RNF130: variants seen among roughly 807,000 people sequenced by gnomAD.
RNF130 encodes ring finger protein 130, also known as E3 ubiquitin-protein ligase RNF130.
RNF130 carries 21 observed loss-of-function variants against 44.6 expected under a neutral mutation model. The ratio of observed to expected loss-of-function variants is 0.47; its 90% CI spans 0.33 to 0.68. The LOEUF is 0.68. Ranked by LOEUF, RNF130 falls within the 30% of genes least tolerant of loss-of-function variation. The probability of loss-of-function intolerance (pLI) is 0.02; values close to 1 mark genes in which losing one functional copy is unlikely to be tolerated. For missense variants in RNF130, 479 were observed against 560.6 expected, an observed-to-expected ratio of 0.85 and a Z score of 1.47; for synonymous variants, 214 against 210.4, an observed-to-expected ratio of 1.02 and a Z score of -0.15.
chr5:180,071,466 G>A lies in RNF130; in HGVS notation c.237C>T (p.Pro79=). ...EVRGQVLAPL[P]LHGVADHLGC... ...CGGGCCGGCACTCACCTCCGTGGAG[G>A]GGCAGCGGCGCCAGCACCTGGCCGC... Residue 79 remains proline, a synonymous_variant, in exon 1 of 9, where the codon CCC becomes CCT. Transcript: ENST00000521389. 1.6e-6 allele frequency: 2 copies of A among 1,245,348 alleles called. No individual in the cohort carries two copies. The highest frequency in any genetic ancestry group is 3.2e-5 in the East Asian group (1 of 31,634). The allele number at this position is 1,245,348 out of a possible 1,614,324, so 77.1% of individuals were successfully genotyped here. A position where few individuals can be genotyped will look rare whatever the true frequency, so the allele number is the denominator to read the frequency against.
intron 7 of RNF130, among the ~76,000 whole-genome samples, chr5:179,933,612 C>T (rs1217211006): frequency 1.3e-5 from 2 of 151,020 alleles, no homozygotes; most frequent in Admixed American, 1.3e-4. Context: ...CTCTTGACTT[C>T]CCGGGCTCAG....
At chr5:180,043,953 A>G (rs1350360570) in intron 1 of RNF130, among the ~76,000 whole-genome samples, 1 of 152,208 alleles carries the variant, frequency 6.6e-6, no homozygotes, top group African/African-American at 2.4e-5. Context: ...ACTGTAGTAT[A>G]CTCATTCTAC....
chr5:180,013,135 T>A lies in RNF130; in HGVS notation c.619A>T (p.Ile207Phe), dbSNP rs964058926. ...AATATGAGCCATGCTGAAGAAATAA[T>A]CATCAAAACAATAAAGGATATTGAC... ...FVSISFIVLM[I>F]ISSAWLIFYF... is the part of the protein sequence containing the mutation. The change falls in exon 3 of 9, where the codon ATT (isoleucine) becomes TTT (phenylalanine). Residue 207 changes from isoleucine (I) to phenylalanine (F), a missense_variant. Ile to Phe is a conservative substitution (Grantham distance 21, BLOSUM62 0). Around this residue, in one of 3 missense-constraint regions of RNF130, gnomAD observed 180 missense variants for 275.1 expected, o/e 0.65. Transcript: ENST00000521389. The A allele has an allele frequency of 9.9e-6, 16 of 1,613,908 alleles. No individual in the cohort carries two copies. Among genetic ancestry groups the A allele is most frequent in the Non-Finnish European group, 1.3e-5 (15 of 1,180,014 alleles).
chr5:179,980,150 C>T lies in RNF130; in HGVS notation c.744G>A (p.Arg248=). Residue 248 remains arginine (R), a synonymous_variant, in exon 4 of 9, where the codon AGG becomes AGA. Transcript: ENST00000521389. ...AKKAISKLTT[R]TVKKGDKETD... ...GTACCTTGTCACCCTTCTTTACTGT[C>T]CTGGTTGTCAATTTACTGATGGCTT... is the stretch of plus-strand genomic sequence containing the variant. 9.9e-6 allele frequency: 16 copies of T among 1,614,090 alleles called. No individual in the cohort carries two copies. The highest frequency in any genetic ancestry group is 1.4e-5 in the Non-Finnish European group (16 of 1,180,000).
chr5:179,948,735 T>C (rs758773317), intron 7 of RNF130, among the ~76,000 whole-genome samples: 103 of 152,090 alleles, frequency 6.8e-4, no homozygotes, highest in Non-Finnish European at 7.6e-4. Context: ...ACTAAATAAT[T>C]TGGAAGATAA....
intron 3 of RNF130, among the ~76,000 whole-genome samples, chr5:180,003,461 A>T (rs1582179591): frequency 6.6e-6 from 1 of 152,230 alleles, no homozygotes; most frequent in South Asian, 2.1e-4. Flanking sequence ...TAGCACAAGG[A>T]CAAAATATCT....
At chr5:180,019,999 T>C (rs1409336734) in intron 2 of RNF130, among the ~76,000 whole-genome samples, 1 of 152,044 alleles carries the variant, frequency 6.6e-6, no homozygotes, top group Non-Finnish European at 1.5e-5. Context: ...GGAGGGAAAC[T>C]GGGAGAAAAC....
At chr5:180,036,253 C>G (rs950500842) in intron 2 of RNF130, among the ~76,000 whole-genome samples, 1 of 152,156 alleles carries the variant, frequency 6.6e-6, no homozygotes, top group African/African-American at 2.4e-5. Context: ...CTGTGATGTG[C>G]AACCATGATG....
chr5:179,948,137 T>C (rs910059280), intron 7 of RNF130, among the ~76,000 whole-genome samples: 1 of 152,216 alleles, frequency 6.6e-6, no homozygotes, highest in Non-Finnish European at 1.5e-5. Context: ...GGCAAGAAAC[T>C]TGAACCTTTT....
chr5:179,973,137 AC>A (rs1303768690), intron 5 of RNF130, among the ~76,000 whole-genome samples: 6 of 151,872 alleles, frequency 4.0e-5, no homozygotes, highest in Non-Finnish European at 8.8e-5. Flanking sequence ...AGCACTGAAC[AC>A]CCTTCCCTCC....
intron 1 of RNF130, among the ~76,000 whole-genome samples, chr5:180,071,125 T>G (rs1765250120): frequency 6.6e-6 from 1 of 152,190 alleles, no homozygotes; most frequent in African/African-American, 2.4e-5. Context: ...GTCCTCCCCA[T>G]GAAGTAGTTT....
At chr5:179,931,032 C>CAAAA (rs34266288) in intron 7 of RNF130, among the ~76,000 whole-genome samples, 11 of 74,290 alleles carry the variant, frequency 1.5e-4, no homozygotes, top group African/African-American at 5.4e-4. Context: ...ACCTCTGTCT[C>CAAAA]AAAAAAAAAA....
intron 2 of RNF130, among the ~76,000 whole-genome samples, chr5:180,019,543 A>G (rs1763825401): frequency 6.6e-6 from 1 of 152,104 alleles, no homozygotes; most frequent in Non-Finnish European, 1.5e-5. Context: ...ATCTCACTCC[A>G]CTGACTTAAT....
intron 7 of RNF130, among the ~76,000 whole-genome samples, chr5:179,965,822 T>C (rs1391471805): frequency 6.6e-6 from 1 of 152,188 alleles, no homozygotes. Context: ...TAATAATGTC[T>C]GGTTGGTTAA....
chr5:179,936,119 A>C (rs137888534), intron 7 of RNF130, among the ~76,000 whole-genome samples: 1 of 152,154 alleles, frequency 6.6e-6, no homozygotes, highest in African/African-American at 2.4e-5. Context: ...GTCTTATTTC[A>C]TCTTTCTTTT....
intron 2 of RNF130, among the ~76,000 whole-genome samples, chr5:180,016,412 G>A (rs935005650): frequency 6.6e-6 from 1 of 152,170 alleles, no homozygotes; most frequent in African/African-American, 2.4e-5. Flanking sequence ...AAAGAGTGAA[G>A]AATAATTAGA....
intron 7 of RNF130, among the ~76,000 whole-genome samples, chr5:179,964,753 C>T (rs879497943): frequency 3.3e-5 from 5 of 152,186 alleles, no homozygotes; most frequent in Admixed American, 3.3e-4. Flanking sequence ...AGAGAGTGCT[C>T]TAGGAGCATT....
At chr5:179,953,229 G>A (rs150027697), downstream of RNF130, among the ~76,000 whole-genome samples, 2,095 of 151,462 alleles carry the variant, frequency 0.014, 24 homozygotes, top group South Asian at 0.03. Flanking sequence ...CTCATGAGTT[G>A]GAAGACAATA....
At chr5:180,064,798 TAA>T (rs1765063983) in intron 1 of RNF130, among the ~76,000 whole-genome samples, 3 of 152,198 alleles carry the variant, frequency 2.0e-5, no homozygotes, top group Admixed American at 2.0e-4. Flanking sequence ...TAACTAGAAT[TAA>T]GTCTTCCATG....
Sources: allele counts gnomAD v4.1 joint callset (sites outside exome capture counted in the v4.1 genomes callset), GRCh38; gene constraint gnomAD v4.1.1; regional missense constraint gnomAD v4.1.1; transcripts MANE v1.5; gene names NCBI Gene and HGNC (gene_info 2026-07-23, HGNC 2026-07-21).